The following FAM135B variants were observed in gnomAD, a reference collection of about 807,000 sequenced individuals.
FAM135B encodes the protein protein FAM135B.
In FAM135B, 43 loss-of-function variants were observed where a neutral mutation model predicts 127.7. That is an observed-to-expected ratio of 0.34 (90% confidence interval 0.26 to 0.43). The LOEUF (loss-of-function observed/expected upper bound fraction) is 0.43, where lower values mean the gene tolerates loss of function less well. Among genes scored for constraint, FAM135B ranks in the 20% least tolerant of loss-of-function variants. FAM135B has a pLI of 1.00. For synonymous variants in FAM135B, 670 were observed against 665.1 expected (o/e 1.01, Z -0.11); for missense variants, 1,558 against 1,725.6 (o/e 0.90, Z 1.72).
At chr8:138,322,275 C>T (rs1317203417) in intron 2 of FAM135B, among the ~76,000 whole-genome samples, 3 of 152,168 alleles carry the variant, frequency 2.0e-5, no homozygotes, top group Non-Finnish European at 4.4e-5. Context: ...AGCTCCTCTG[C>T]CCCACACCTG....
rs142271911 is a variant in FAM135B at position 138,303,651 on chromosome 8, G to T, written c.157+7190C>A. 8.2e-3 allele frequency among the ~76,000 whole-genome samples: 1,242 copies of T among 152,228 alleles called. 9 individuals carry two copies. Among genetic ancestry groups the T allele is most frequent in the Non-Finnish European group, 0.014 (946 of 68,008 alleles). On this transcript the variant is annotated intron_variant, in intron 3 of 19. Transcript: ENST00000395297. ...TGCTAATCCCAATTTAAAAAGAAAA[G>T]AAATCACAACAAATGTGATTTCTAA...
chr8:138,337,463 A>G (rs1287370196), intron 2 of FAM135B, among the ~76,000 whole-genome samples: 4 of 151,640 alleles, frequency 2.6e-5, no homozygotes, highest in Non-Finnish European at 5.9e-5. Context: ...ATACACCAAT[A>G]GCAGACAAAC....
At chr8:138,264,702 A>C (rs532468446) in intron 4 of FAM135B, among the ~76,000 whole-genome samples, 1 of 152,280 alleles carries the variant, frequency 6.6e-6, no homozygotes, top group East Asian at 1.9e-4. Flanking sequence ...TAGGTTAAGG[A>C]ATAAAGAATG....
At chr8:138,479,734 T>A (rs1814697178) in intron 1 of FAM135B, among the ~76,000 whole-genome samples, 1 of 152,220 alleles carries the variant, frequency 6.6e-6, no homozygotes, top group African/African-American at 2.4e-5. Context: ...TGATTGTATC[T>A]TTGTATCCTC....
chr8:138,220,273 T>C (rs1818925432), intron 7 of FAM135B, among the ~76,000 whole-genome samples: 1 of 152,168 alleles, frequency 6.6e-6, no homozygotes, highest in African/African-American at 2.4e-5. Flanking sequence ...GAGGATAGGC[T>C]TGCTGTTTCT....
chr8:138,149,062 T>C (rs1194351658), intron 13 of FAM135B, among the ~76,000 whole-genome samples: 1 of 151,682 alleles, frequency 6.6e-6, no homozygotes, highest in South Asian at 2.1e-4. Context: ...CACACCAACA[T>C]GGCACATGTA....
intron 2 of FAM135B, among the ~76,000 whole-genome samples, chr8:138,312,336 C>T (rs1231308265): frequency 6.6e-6 from 1 of 152,066 alleles, no homozygotes; most frequent in African/African-American, 2.4e-5. Context: ...TCTCACTAAG[C>T]ACAACAAAAG....
At chr8:138,462,985 T>C (rs1314306404) in intron 1 of FAM135B, among the ~76,000 whole-genome samples, 14 of 152,206 alleles carry the variant, frequency 9.2e-5, no homozygotes, top group African/African-American at 3.4e-4. Context: ...ATTTTCATAA[T>C]AATTGAAAGA....
At chr8:138,214,967 C>CA (rs1563778814) in intron 7 of FAM135B, among the ~76,000 whole-genome samples, 2 of 151,676 alleles carry the variant, frequency 1.3e-5, no homozygotes, top group African/African-American at 4.8e-5. Flanking sequence ...GGGGAAGAGG[C>CA]AAAAAAAGCA....
intron 3 of FAM135B, among the ~76,000 whole-genome samples, chr8:138,269,988 G>A (rs997264812): frequency 6.6e-6 from 1 of 152,162 alleles, no homozygotes; most frequent in African/African-American, 2.4e-5. Context: ...GCAATAGGCA[G>A]AAGAGAAAGC....
At chr8:138,180,603 G>T (rs566173969) in intron 9 of FAM135B, among the ~76,000 whole-genome samples, 1 of 152,178 alleles carries the variant, frequency 6.6e-6, no homozygotes, top group Non-Finnish European at 1.5e-5. Context: ...GCTAGATAGA[G>T]ACCAATTGGG....
At chr8:138,268,819 C>A (rs1232960413) in intron 3 of FAM135B, among the ~76,000 whole-genome samples, 2 of 152,168 alleles carry the variant, frequency 1.3e-5, no homozygotes, top group South Asian at 2.1e-4. Flanking sequence ...TTTTAGGCAA[C>A]AAGATTTCTA....
In FAM135B at chr8:138,265,893, C is replaced by G. The variant is rs368382055; in HGVS notation, c.158-51G>C. 7 of 1,563,864 alleles carry G rather than the reference C, an allele frequency of 4.5e-6. No individual in the cohort carries two copies. The African/African-American group carries it at 9.5e-5, about 21-fold the overall frequency. ...CCATGAACTCCAATACTGTCCTGTA[C>G]CTGCAGCCCTGTCAGGTGTCTTTCC... On this transcript the variant is annotated intron_variant, in intron 3 of 19. Coordinates refer to ENST00000395297, the MANE Select transcript of FAM135B (RefSeq NM_015912.4).
In FAM135B at chr8:138,148,681, T is replaced by G. The variant is rs201186853; in HGVS notation, c.3287A>C (p.Tyr1096Ser). The change falls in exon 14 of 20, where the codon TAT (tyrosine) becomes TCT (serine). Residue 1096 changes from tyrosine (Y) to serine (S), a missense_variant. This residue lies in a region of FAM135B where 923 missense variants were observed against 865.3 expected (regional missense o/e 1.07). Transcript: ENST00000395297. ...TTTTTTAAATTTTTCTTTGGCCTGA[T>G]AAAAACTGGAGAATACACTAATTAA... The part of the protein sequence containing the change: ...EEVSERMFSF[Y>S]QAKEKFKKEL... 1.2e-6 allele frequency: 2 copies of G among 1,602,934 alleles called. No individual in the cohort carries two copies. The highest frequency in any genetic ancestry group is 3.3e-4 in the Middle Eastern group (2 of 6,018).
chr8:138,172,104 A>G (rs1034848557), intron 11 of FAM135B, among the ~76,000 whole-genome samples: 1 of 152,244 alleles, frequency 6.6e-6, no homozygotes, highest in Non-Finnish European at 1.5e-5. Flanking sequence ...AAAGGCAACA[A>G]TATTTGAACA....
chr8:138,328,077 T>G (rs1827932193), intron 2 of FAM135B, among the ~76,000 whole-genome samples: 1 of 152,158 alleles, frequency 6.6e-6, no homozygotes, highest in Non-Finnish European at 1.5e-5. Context: ...GCATTCAGTG[T>G]TTTTATATTC....
At chr8:138,494,822 C>A (rs2131703027) in intron 1 of FAM135B, among the ~76,000 whole-genome samples, 1 of 146,270 alleles carries the variant, frequency 6.8e-6, no homozygotes, top group African/African-American at 2.7e-5. Flanking sequence ...CTGTCTAAAT[C>A]TCTGTTTATA....
At chr8:138,452,852 C>T (rs752531961) in intron 1 of FAM135B, among the ~76,000 whole-genome samples, 9 of 152,082 alleles carry the variant, frequency 5.9e-5, no homozygotes, top group South Asian at 4.1e-4. Context: ...CTAGTTTTCC[C>T]GTGCACCCGT....
chr8:138,488,827 C>T (rs1815091501), intron 1 of FAM135B, among the ~76,000 whole-genome samples: 1 of 152,116 alleles, frequency 6.6e-6, no homozygotes, highest in Non-Finnish European at 1.5e-5. Context: ...CCACCACACC[C>T]AGCTAATTTT....
Sources: allele counts gnomAD v4.1 joint callset (sites outside exome capture counted in the v4.1 genomes callset), GRCh38; gene constraint gnomAD v4.1.1; regional missense constraint gnomAD v4.1.1; transcripts MANE v1.5; gene names NCBI Gene and HGNC (gene_info 2026-07-23, HGNC 2026-07-21).